PRDM1: variants seen among roughly 807,000 people sequenced by gnomAD.
PRDM1 encodes PR domain zinc finger protein 1.
Under a neutral mutation model 62.8 loss-of-function variants are expected in PRDM1, and 13 were observed. That is an observed-to-expected ratio of 0.21 (90% CI 0.13 to 0.33). The LOEUF (loss-of-function observed/expected upper bound fraction) is 0.33. PRDM1 is among the 10% of genes least tolerant of loss of function. The pLI is 1.00. For missense variants in PRDM1, 895 were observed against 1,058.8 expected (o/e 0.85, Z 2.15); for synonymous variants, 396 against 417.6 (o/e 0.95, Z 0.63).
intron 1 of PRDM1, among the ~76,000 whole-genome samples, chr6:106,080,910 C>T (rs994009258): frequency 2.6e-5 from 4 of 152,192 alleles, no homozygotes; most frequent in African/African-American, 9.7e-5. Context: ...TGAACAATAA[C>T]TCCTTTGCCC....
intron 1 of PRDM1, among the ~76,000 whole-genome samples, chr6:106,075,456 C>T (rs1001979829): frequency 6.6e-6 from 1 of 152,172 alleles, no homozygotes; most frequent in Non-Finnish European, 1.5e-5. Flanking sequence ...TATGCAGCAA[C>T]AGTAGCTTCT....
At chr6:106,093,534 A>G (rs1774015752) in intron 2 of PRDM1, among the ~76,000 whole-genome samples, 1 of 152,196 alleles carries the variant, frequency 6.6e-6, no homozygotes, top group Non-Finnish European at 1.5e-5. Context: ...TTCTAATATT[A>G]TGGAATAATC....
chr6:106,000,865 A>C (rs546167667), intron 1 of PRDM1, among the ~76,000 whole-genome samples: 1 of 152,350 alleles, frequency 6.6e-6, no homozygotes, highest in East Asian at 1.9e-4. Flanking sequence ...CTCCCTGTAC[A>C]CAGGTATAAT....
chr6:106,048,538 G>A (rs1773116239), exon 1 of PRDM1, among the ~76,000 whole-genome samples: 1 of 152,184 alleles, frequency 6.6e-6, no homozygotes, highest in Non-Finnish European at 1.5e-5. Context: ...GCCTATGTTT[G>A]ACTTAGCCCC....
chr6:106,022,372 T>A (rs1194200645), intron 1 of PRDM1, among the ~76,000 whole-genome samples: 2 of 151,952 alleles, frequency 1.3e-5, no homozygotes, highest in African/African-American at 4.8e-5. Flanking sequence ...TTCCCCTGCC[T>A]TAGCCTCTTG....
At chr6:106,082,678 C>T (rs1773713202), upstream of PRDM1, among the ~76,000 whole-genome samples, 1 of 152,038 alleles carries the variant, frequency 6.6e-6, no homozygotes, top group Admixed American at 6.5e-5. Flanking sequence ...TACTTGTGTT[C>T]TTGAATTTAC....
intron 3 of PRDM1, 164 bp downstream of exon 3, chr6:106,095,898 AACC>A (rs1375304992): frequency 1.4e-6 from 1 of 728,860 alleles, no homozygotes; most frequent in African/African-American, 1.8e-5. Flanking sequence ...AATGTGATGA[AACC>A]GATGAAATGT....
chr6:106,060,676 T>C (rs1353508695), intron 1 of PRDM1, among the ~76,000 whole-genome samples: 2 of 151,760 alleles, frequency 1.3e-5, no homozygotes, highest in Admixed American at 6.6e-5. Flanking sequence ...CTGATGTAAT[T>C]TGAGGAATTT....
At chr6:106,083,031 T>C (rs1206997236), upstream of PRDM1, among the ~76,000 whole-genome samples, 1 of 151,986 alleles carries the variant, frequency 6.6e-6, no homozygotes, top group African/African-American at 2.4e-5. Flanking sequence ...CCCAGTGATT[T>C]GAGTTGAAAA....
rs1773615939 is a variant in PRDM1 at position 106,077,110 on chromosome 6, T to C, written c.-66-11091T>C. On this transcript the variant is annotated intron_variant, in intron 1 of 6. Coordinates refer to the PRDM1 transcript ENST00000651185. ...ATCTTAATGTCTGTGGCTCCTGCCCTGGAACATGTTTTTTGAAGTCCCATA... is the reference window on the plus strand; with the variant it reads ...ATCTTAATGTCTGTGGCTCCTGCCCCGGAACATGTTTTTTGAAGTCCCATA... Among the ~76,000 whole-genome samples, 3 of 152,246 alleles carry C rather than the reference T, an allele frequency of 2.0e-5. No individual in the cohort carries two copies. In the South Asian group the frequency reaches 6.2e-4, roughly 31 times the overall value.
At chr6:106,034,635 CTTTTT>C (rs1554200511) in intron 1 of PRDM1, among the ~76,000 whole-genome samples, 1 of 88,420 alleles carries the variant, frequency 1.1e-5, no homozygotes, top group East Asian at 3.5e-4. Flanking sequence ...TGTTCTCTCT[CTTTTT>C]TTTTTTTTTT....
In PRDM1 at chr6:106,057,326, A is replaced by G. The variant is rs116414280; in HGVS notation, c.-67+8612A>G. Among the ~76,000 whole-genome samples the G allele has an allele frequency of 1.1e-3, 160 of 152,348 alleles. 1 individual carries two copies. The highest frequency in any genetic ancestry group is 3.7e-3 in the African/African-American group (155 of 41,578). On this transcript the variant is annotated intron_variant, in intron 1 of 6. Coordinates refer to the PRDM1 transcript ENST00000651185. ...TTATGAGTGGTTTAGAGAAAAGCAT[A>G]TTCAAGAACTGGTGTTAAAGTTGTA...
At chr6:106,007,346 C>G (rs1772495717) in intron 1 of PRDM1, among the ~76,000 whole-genome samples, 1 of 151,920 alleles carries the variant, frequency 6.6e-6, no homozygotes, top group Admixed American at 6.6e-5. Context: ...AGGAGAATTG[C>G]TTGAACCTGG....
At position 106,105,734 on chromosome 6, in the gene PRDM1, C is replaced by T. The variant is rs770140534; in HGVS notation, c.1574C>T (p.Ala525Val). The change falls in exon 5 of 7, where the codon GCA (alanine) becomes GTA (valine). Residue 525 changes from alanine (A) to valine (V), a missense_variant. Coordinates refer to ENST00000369096, the MANE Select transcript of PRDM1 (RefSeq NM_001198.4). ...CCCACGGCGGGAACAGCCGCCACGG[C>T]AGAACATGTGGTGCAGCCCAAAGCT... Reference protein sequence around the residue: ...GSPTAGTAATAEHVVQPKATS... With the variant: ...GSPTAGTAATVEHVVQPKATS... 1 of 1,614,050 alleles carries T rather than the reference C, an allele frequency of 6.2e-7. No individual in the cohort carries two copies. The highest frequency in any genetic ancestry group is 8.5e-7 in the Non-Finnish European group (1 of 1,180,004).
rs775292347 is a variant in PRDM1 at position 106,105,372 on chromosome 6, C to G, written c.1212C>G (p.Pro404=). 2 of 1,614,104 alleles carry G rather than the reference C, an allele frequency of 1.2e-6. No individual in the cohort carries two copies. The highest frequency in any genetic ancestry group is 3.3e-5 in the Admixed American group (2 of 60,026). The change falls in exon 5 of 7, where the codon CCC becomes CCG. Residue 404 remains proline, a synonymous_variant. Transcript: ENST00000369096. ...CCCACCTCCCGCCAGCTTTCATCCC[C>G]TCGTACAACGCTCACTACCCCAAGT... ...PLPHLPPAFI[P]SYNAHYPKFL...
At position 106,091,988 on chromosome 6, in the gene PRDM1, G is replaced by A. The variant is rs924949345; in HGVS notation, c.291+3539G>A. Among the ~76,000 whole-genome samples, 57 of 151,984 alleles carry A rather than the reference G, an allele frequency of 3.8e-4. 1 individual carries two copies. The highest frequency in any genetic ancestry group is 1.0e-4 in the Non-Finnish European group (7 of 67,984). ...TTCTTATAGAGTGGGATTCGGGGAGGGAAAACAGATAGCTAGTAATTTAAA... is the reference window on the plus strand; with the variant it reads ...TTCTTATAGAGTGGGATTCGGGGAGAGAAAACAGATAGCTAGTAATTTAAA... On this transcript the variant is annotated intron_variant, in intron 2 of 6. Transcript: ENST00000369096.
At chr6:106,010,798 G>A (rs1772535644) in intron 1 of PRDM1, among the ~76,000 whole-genome samples, 1 of 152,098 alleles carries the variant, frequency 6.6e-6, no homozygotes, top group Non-Finnish European at 1.5e-5. Flanking sequence ...CTCACTTTTG[G>A]CCAAGAACCT....
chr6:106,054,514 T>G (rs976350481), intron 1 of PRDM1, among the ~76,000 whole-genome samples: 1 of 152,220 alleles, frequency 6.6e-6, no homozygotes, highest in South Asian at 2.1e-4. Context: ...CTAAAGACCA[T>G]TAGATGAATT....
intron 1 of PRDM1, among the ~76,000 whole-genome samples, chr6:106,006,478 ACAT>A (rs1693933803): frequency 6.7e-6 from 1 of 148,700 alleles, no homozygotes; most frequent in African/African-American, 2.4e-5. Flanking sequence ...GAGATTCTCA[ACAT>A]CATTTAACAT....
Sources: gnomAD v4.1 joint callset for allele counts (sites outside exome capture counted in the v4.1 genomes callset) on GRCh38, gnomAD v4.1.1 for gene constraint, MANE v1.5 for transcripts, NCBI Gene and HGNC (gene_info 2026-07-23, HGNC 2026-07-21) for gene names.